Variants in BMPR2 observed in about 807,000 individuals in gnomAD.
BMPR2 encodes the protein bone morphogenetic protein receptor type 2, also known as bone morphogenetic protein receptor type-2.
BMPR2 carries 29 observed loss-of-function variants against 100.8 expected under a neutral mutation model. That is an observed-to-expected ratio of 0.29 (90% CI 0.21 to 0.39). BMPR2 has a LOEUF of 0.39. BMPR2 is among the 10% of genes least tolerant of loss of function. BMPR2 has a pLI of 1.00. For missense variants in BMPR2, 1,011 were observed against 1,274.5 expected (o/e 0.79, Z 3.15); for synonymous variants, 382 against 442.3 (o/e 0.86, Z 1.71).
At position 202,555,521 on chromosome 2, in the gene BMPR2, G is replaced by T. The variant is rs1018662009; in HGVS notation, c.1856G>T (p.Gly619Val). The T allele has an allele frequency of 6.2e-7, 1 of 1,614,070 alleles. No homozygotes were observed. Among genetic ancestry groups the T allele is most frequent in the East Asian group, 2.2e-5 (1 of 44,884 alleles). ...STNTTTTNTT[G>V]LTPSTGMTTI... is the part of the protein sequence containing the mutation. Reference sequence around the variant, plus strand: ...AACACAACAACCACAAACACCACAGGACTCACGCCAAGTACTGGCATGACT... The same window carrying T: ...AACACAACAACCACAAACACCACAGTACTCACGCCAAGTACTGGCATGACT... Residue 619 changes from glycine (G) to valine (V), a missense_variant, in exon 12 of 13, where the codon GGA becomes GTA. This residue lies in a region of BMPR2 where 508 missense variants were observed against 552.0 expected (regional missense o/e 0.92). Transcript: ENST00000374580.
At chr2:202,554,681 C>T (rs370879339) in intron 11 of BMPR2, among the ~76,000 whole-genome samples, 26 of 152,142 alleles carry the variant, frequency 1.7e-4, no homozygotes, top group Non-Finnish European at 5.9e-5. Flanking sequence ...ACCTTAGGCT[C>T]AAGGACTTTT....
At chr2:202,537,976 G>A (rs1342273136) in intron 9 of BMPR2, among the ~76,000 whole-genome samples, 1 of 151,906 alleles carries the variant, frequency 6.6e-6, no homozygotes, top group South Asian at 2.1e-4. Flanking sequence ...ACAAAAATTA[G>A]ACAGGTGCAG....
chr2:202,510,799 G>A (rs936633515), intron 3 of BMPR2, among the ~76,000 whole-genome samples: 1 of 151,946 alleles, frequency 6.6e-6, no homozygotes, highest in Non-Finnish European at 1.5e-5. Flanking sequence ...TCCTGCCTGA[G>A]CCTCCTGAGT....
In BMPR2 at chr2:202,535,220, C is replaced by T. The variant is rs372810424; in HGVS notation, c.1276+2488C>T. On this transcript the variant is annotated intron_variant, in intron 9 of 12. Coordinates refer to ENST00000374580, the MANE Select transcript of BMPR2 (RefSeq NM_001204.7). Reference sequence around the variant, plus strand: ...CCTCCCTCCCGGACGGGGTGGCTGCCGGGCGGAGACACTCCTCACTTCCCA... The same window carrying T: ...CCTCCCTCCCGGACGGGGTGGCTGCTGGGCGGAGACACTCCTCACTTCCCA... Among the ~76,000 whole-genome samples the T allele has an allele frequency of 5.3e-3, 804 of 151,712 alleles. 5 individuals carry two copies. The highest frequency in any genetic ancestry group is 0.027 in the East Asian group (136 of 5,090).
intron 11 of BMPR2, among the ~76,000 whole-genome samples, chr2:202,554,622 G>A (rs1353628653): frequency 6.6e-6 from 1 of 152,066 alleles, no homozygotes; most frequent in Non-Finnish European, 1.5e-5. Flanking sequence ...TAATTGGAGA[G>A]CAGTTCTGAA....
chr2:202,469,775 G>T (rs963137189), intron 3 of BMPR2, among the ~76,000 whole-genome samples: 1 of 151,904 alleles, frequency 6.6e-6, no homozygotes, highest in Non-Finnish European at 1.5e-5. Flanking sequence ...GAGCCACCGC[G>T]CCCGGCCCCA....
intron 1 of BMPR2, among the ~76,000 whole-genome samples, chr2:202,434,620 TTTTG>T (rs1322597319): frequency 6.7e-6 from 1 of 149,350 alleles, no homozygotes; most frequent in Middle Eastern, 3.2e-3. Flanking sequence ...TTCCTAATCT[TTTTG>T]TTTGTTTGTT....
At chr2:202,457,009 C>T (rs1692122127) in intron 1 of BMPR2, among the ~76,000 whole-genome samples, 1 of 151,992 alleles carries the variant, frequency 6.6e-6, no homozygotes, top group Non-Finnish European at 1.5e-5. Context: ...CCTTTTTTCA[C>T]TCCTTTCTTT....
intron 1 of BMPR2, among the ~76,000 whole-genome samples, chr2:202,411,267 CA>C (rs1467636379): frequency 1.3e-5 from 2 of 152,130 alleles, no homozygotes; most frequent in African/African-American, 2.4e-5. Context: ...AAAATTTTGA[CA>C]AACCAAGTTT....
intron 1 of BMPR2, among the ~76,000 whole-genome samples, chr2:202,424,679 G>C (rs1025759830): frequency 6.6e-6 from 1 of 152,120 alleles, no homozygotes; most frequent in Non-Finnish European, 1.5e-5. Flanking sequence ...CTGGGCGACA[G>C]AGCGACACTC....
intron 5 of BMPR2, among the ~76,000 whole-genome samples, chr2:202,516,199 A>G (rs1002267798): frequency 2.0e-5 from 3 of 152,232 alleles, no homozygotes; most frequent in East Asian, 3.8e-4. Context: ...AGACTATTAA[A>G]TAATAGATGT....
intron 1 of BMPR2, among the ~76,000 whole-genome samples, chr2:202,383,496 C>T (rs1980152): frequency 0.086 from 13,114 of 152,170 alleles, 758 homozygotes; most frequent in East Asian, 0.2. Context: ...ACCCGGCCAA[C>T]GTGGTGAAAC....
chr2:202,482,692 C>A (rs147932210), intron 3 of BMPR2, among the ~76,000 whole-genome samples: 4 of 152,122 alleles, frequency 2.6e-5, no homozygotes, highest in Non-Finnish European at 5.9e-5. Context: ...GCACCCGCCA[C>A]TATGTCCAGC....
intron 3 of BMPR2, among the ~76,000 whole-genome samples, chr2:202,496,396 G>C (rs1463063995): frequency 6.6e-6 from 1 of 152,136 alleles, no homozygotes; most frequent in Non-Finnish European, 1.5e-5. Context: ...AGGATCGCTT[G>C]AGCCTGGGAG....
At chr2:202,380,499 A>T (rs571760379) in intron 1 of BMPR2, among the ~76,000 whole-genome samples, 2 of 152,112 alleles carry the variant, frequency 1.3e-5, no homozygotes, top group Non-Finnish European at 2.9e-5. Context: ...ATAAAAATGC[A>T]TATTTTTGGC....
chr2:202,476,559 C>T (rs902745074), intron 3 of BMPR2, among the ~76,000 whole-genome samples: 1 of 151,996 alleles, frequency 6.6e-6, no homozygotes, highest in Non-Finnish European at 1.5e-5. Flanking sequence ...GAGGCCGAGG[C>T]GGGTGGATTG....
intron 7 of BMPR2, among the ~76,000 whole-genome samples, chr2:202,528,435 C>T (rs1233850003): frequency 6.6e-6 from 1 of 152,208 alleles, no homozygotes; most frequent in Non-Finnish European, 1.5e-5. Flanking sequence ...GATCCACCCG[C>T]CTCAGCCTCC....
chr2:202,430,813 G>A (rs1691487245), intron 1 of BMPR2, among the ~76,000 whole-genome samples: 1 of 149,964 alleles, frequency 6.7e-6, no homozygotes, highest in African/African-American at 2.5e-5. Context: ...TACAAAATTA[G>A]CCAGGTGTGG....
At chr2:202,543,411 T>C (rs574400234) in intron 10 of BMPR2, among the ~76,000 whole-genome samples, 1 of 151,578 alleles carries the variant, frequency 6.6e-6, no homozygotes, top group East Asian at 1.9e-4. Context: ...TCTAATTATC[T>C]ACTATCATTT....
Sources: allele counts gnomAD v4.1 joint callset (sites outside exome capture counted in the v4.1 genomes callset), GRCh38; gene constraint gnomAD v4.1.1; regional missense constraint gnomAD v4.1.1; transcripts MANE v1.5; gene names NCBI Gene and HGNC (gene_info 2026-07-23, HGNC 2026-07-21).